SMYD3: variants seen among roughly 807,000 people sequenced by gnomAD.
The protein encoded by SMYD3 is histone-lysine N-methyltransferase SMYD3.
A neutral mutation model predicts 57.7 loss-of-function variants in SMYD3; 36 were observed. That is an observed-to-expected ratio of 0.62 (90% CI 0.48 to 0.82). The LOEUF is 0.82. Among genes scored for constraint, SMYD3 ranks in the 40% least tolerant of loss-of-function variants. SMYD3 has a pLI of 0.00. For synonymous variants in SMYD3, 211 were observed against 195.0 expected, an observed-to-expected ratio of 1.08 and a Z score of -0.68; for missense variants, 515 against 538.8, an observed-to-expected ratio of 0.96 and a Z score of 0.44.
At chr1:245,856,991 C>G (rs980740945) in intron 10 of SMYD3, among the ~76,000 whole-genome samples, 2 of 152,168 alleles carry the variant, frequency 1.3e-5, no homozygotes, top group African/African-American at 4.8e-5. Flanking sequence ...AGAGAGGAAG[C>G]CTTATCTCTT....
chr1:246,185,690 TG>T (rs776529310), intron 5 of SMYD3, among the ~76,000 whole-genome samples: 79 of 152,282 alleles, frequency 5.2e-4, no homozygotes, highest in Admixed American at 1.4e-3. Flanking sequence ...CTCGATCTCC[TG>T]ATTTCGTGAT....
At chr1:246,165,140 G>C (rs147811601) in intron 5 of SMYD3, among the ~76,000 whole-genome samples, 286 of 152,344 alleles carry the variant, frequency 1.9e-3, no homozygotes, top group African/African-American at 6.1e-3. Flanking sequence ...AGAGTATCCG[G>C]AGGATTGAGC....
At chr1:245,799,908 C>T (rs560393762) in intron 10 of SMYD3, among the ~76,000 whole-genome samples, 9 of 152,322 alleles carry the variant, frequency 5.9e-5, no homozygotes, top group Non-Finnish European at 1.0e-4. Flanking sequence ...ACCTGTCCAT[C>T]TGCCCACCTC....
intron 5 of SMYD3, among the ~76,000 whole-genome samples, chr1:246,194,409 C>T (rs770418758): frequency 1.4e-4 from 21 of 152,162 alleles, no homozygotes; most frequent in Non-Finnish European, 2.4e-4. Flanking sequence ...GCTGGGACTA[C>T]GGGCATGTGC....
chr1:246,132,879 T>C (rs1401796097), intron 5 of SMYD3, among the ~76,000 whole-genome samples: 1 of 152,098 alleles, frequency 6.6e-6, no homozygotes, highest in African/African-American at 2.4e-5. Flanking sequence ...TCACATGAAA[T>C]GATGTTCACC....
At chr1:245,837,834 T>C (rs1396264373) in intron 10 of SMYD3, among the ~76,000 whole-genome samples, 8 of 152,174 alleles carry the variant, frequency 5.3e-5, no homozygotes, top group African/African-American at 1.9e-4. Context: ...TACATTTGTG[T>C]CTGGGGAAAG....
chr1:246,287,962 G>A (rs772831954), intron 5 of SMYD3, among the ~76,000 whole-genome samples: 1 of 151,798 alleles, frequency 6.6e-6, no homozygotes, highest in Non-Finnish European at 1.5e-5. Flanking sequence ...GAAGGCCTTG[G>A]AACGTTACAC....
chr1:246,220,850 G>A (rs2063242518), intron 5 of SMYD3, among the ~76,000 whole-genome samples: 1 of 152,114 alleles, frequency 6.6e-6, no homozygotes, highest in Non-Finnish European at 1.5e-5. Context: ...AGTCAGAGCT[G>A]AGCAGACTGG....
chr1:245,881,891 G>C (rs1170980762), intron 8 of SMYD3, among the ~76,000 whole-genome samples: 1 of 152,102 alleles, frequency 6.6e-6, no homozygotes, highest in East Asian at 1.9e-4. Flanking sequence ...AAGTGCAAAG[G>C]CCCCAGGACA....
At chr1:245,929,837 G>GTC in intron 6 of SMYD3, 33 bp downstream of exon 6, 1 of 1,553,336 alleles carries the variant, frequency 6.4e-7, no homozygotes, top group Non-Finnish European at 8.9e-7. Context: ...ATGAAAGTGT[G>GTC]TCTTCCAGTA....
In SMYD3 at chr1:245,810,305, G is replaced by A. The variant is rs2048391707; in HGVS notation, c.1077-46156C>T. ...ATTCTGCAGCTCAAGTATGAGACAG[G>A]CTCACTGTACAGCAATTTGTACTGG... On this transcript the variant is annotated intron_variant, in intron 10 of 11. Coordinates refer to ENST00000490107, the MANE Select transcript of SMYD3 (RefSeq NM_001167740.2). Among the ~76,000 whole-genome samples, 3 of 152,200 alleles carry A rather than the reference G, an allele frequency of 2.0e-5. No individual in the cohort carries two copies. In the South Asian group the frequency reaches 6.2e-4, roughly 32 times the overall value.
intron 10 of SMYD3, among the ~76,000 whole-genome samples, chr1:245,856,111 G>C (rs1433828092): frequency 6.6e-6 from 1 of 152,168 alleles, no homozygotes; most frequent in Non-Finnish European, 1.5e-5. Flanking sequence ...TCCTGCCTTT[G>C]TTCCAAAATT....
chr1:245,956,005 G>C, intron 5 of SMYD3: 2 of 985,208 alleles, frequency 2.0e-6, no homozygotes, highest in East Asian at 1.1e-4. Context: ...ATTTCCATAG[G>C]AACACTGTTT....
At chr1:246,274,061 C>G (rs957050079) in intron 5 of SMYD3, among the ~76,000 whole-genome samples, 3 of 152,080 alleles carry the variant, frequency 2.0e-5, no homozygotes, top group African/African-American at 7.2e-5. Context: ...TTAGACCTAT[C>G]GATCATGTCA....
chr1:246,001,105 G>T (rs937256042), intron 5 of SMYD3, among the ~76,000 whole-genome samples: 7 of 152,204 alleles, frequency 4.6e-5, no homozygotes, highest in Non-Finnish European at 1.0e-4. Flanking sequence ...AAACGAGACT[G>T]ATGCAAATGA....
chr1:245,788,459 T>C (rs567642289), intron 10 of SMYD3, among the ~76,000 whole-genome samples: 1 of 152,320 alleles, frequency 6.6e-6, no homozygotes, highest in East Asian at 1.9e-4. Flanking sequence ...CCTACTAGGT[T>C]AAAGGAGTGG....
chr1:245,764,830 G>A (rs553278807), intron 10 of SMYD3, among the ~76,000 whole-genome samples: 7 of 152,128 alleles, frequency 4.6e-5, no homozygotes, highest in Admixed American at 2.0e-4. Context: ...CGGTGTTGTC[G>A]TGGACCAAAG....
intron 8 of SMYD3, among the ~76,000 whole-genome samples, chr1:245,907,996 C>T (rs566806651): frequency 3.3e-5 from 5 of 152,146 alleles, no homozygotes; most frequent in Middle Eastern, 3.4e-3. Flanking sequence ...ATCAGCTGGG[C>T]GTGGTGGCTC....
chr1:246,403,146 TC>T (rs1357594994), intron 1 of SMYD3, among the ~76,000 whole-genome samples: 2 of 152,138 alleles, frequency 1.3e-5, no homozygotes, highest in African/African-American at 4.8e-5. Context: ...TTTTAGTTCC[TC>T]CCTGACTAAT....
Sources: gnomAD v4.1 joint callset for allele counts (sites outside exome capture counted in the v4.1 genomes callset) on GRCh38, gnomAD v4.1.1 for gene constraint, MANE v1.5 for transcripts, NCBI Gene and HGNC (gene_info 2026-07-23, HGNC 2026-07-21) for gene names.